GALNTL6: variants seen among roughly 807,000 people sequenced by gnomAD.
The protein encoded by GALNTL6 is polypeptide N-acetylgalactosaminyltransferase like 6, also known as polypeptide N-acetylgalactosaminyltransferase-like 6.
GALNTL6 carries 46 observed loss-of-function variants against 73.7 expected under a neutral mutation model. The observed-to-expected ratio is 0.62, with a 90% confidence interval of 0.49 to 0.80. The LOEUF (loss-of-function observed/expected upper bound fraction) is 0.80, where lower values mean the gene tolerates loss of function less well. GALNTL6 is among the 30% of genes least tolerant of loss of function. The pLI is 0.00. For missense variants in GALNTL6, 604 were observed against 755.0 expected (o/e 0.80, Z 2.34); for synonymous variants, 259 against 263.7 (o/e 0.98, Z 0.17).
At chr4:172,059,846 C>T (rs1359735303) in intron 2 of GALNTL6, among the ~76,000 whole-genome samples, 1 of 152,044 alleles carries the variant, frequency 6.6e-6, no homozygotes. Context: ...ATTTTCTTCT[C>T]AATTATATTA....
intron 5 of GALNTL6, among the ~76,000 whole-genome samples, chr4:172,687,576 C>T (rs970882576): frequency 2.1e-5 from 3 of 146,280 alleles, no homozygotes; most frequent in Admixed American, 7.1e-5. Flanking sequence ...TGCAGTGAGC[C>T]AAGATCGCGC....
At chr4:172,013,630 G>A (rs1429258215) in intron 2 of GALNTL6, among the ~76,000 whole-genome samples, 1 of 151,924 alleles carries the variant, frequency 6.6e-6, no homozygotes, top group Non-Finnish European at 1.5e-5. Context: ...TTTGACACAG[G>A]CCTGTAATGT....
intron 2 of GALNTL6, among the ~76,000 whole-genome samples, chr4:172,099,318 C>T (rs1017607957): frequency 8.6e-5 from 13 of 152,028 alleles, no homozygotes; most frequent in African/African-American, 2.7e-4. Context: ...ACAAGGTTTA[C>T]AGAAAAATGG....
intron 5 of GALNTL6, among the ~76,000 whole-genome samples, chr4:172,701,890 G>A (rs1051030227): frequency 2.0e-5 from 3 of 151,906 alleles, no homozygotes; most frequent in Non-Finnish European, 1.5e-5. Flanking sequence ...TGAAAACAGT[G>A]TTTTAAGAAT....
intron 5 of GALNTL6, among the ~76,000 whole-genome samples, chr4:172,722,038 A>G (rs1735510172): frequency 6.6e-6 from 1 of 151,078 alleles, no homozygotes; most frequent in Non-Finnish European, 1.5e-5. Context: ...TCAGTCCTGC[A>G]CGAACAGAGT....
At chr4:172,160,538 A>G (rs972194335) in intron 2 of GALNTL6, among the ~76,000 whole-genome samples, 13 of 152,096 alleles carry the variant, frequency 8.5e-5, no homozygotes, top group Non-Finnish European at 1.9e-4. Flanking sequence ...CTAAGAGCAC[A>G]TGTTAACTGG....
chr4:173,026,317 A>G (rs894821756), intron 12 of GALNTL6, among the ~76,000 whole-genome samples: 1 of 152,222 alleles, frequency 6.6e-6, no homozygotes, highest in Non-Finnish European at 1.5e-5. Flanking sequence ...GAAATGGTAT[A>G]TAGAACACAC....
chr4:172,804,529 A>T (rs1238223724), intron 5 of GALNTL6, among the ~76,000 whole-genome samples: 1 of 152,160 alleles, frequency 6.6e-6, no homozygotes, highest in East Asian at 1.9e-4. Context: ...TTCAAATGAA[A>T]CAGAAAGAAC....
chr4:171,900,138 G>C (rs1737037540), intron 2 of GALNTL6, among the ~76,000 whole-genome samples: 1 of 152,042 alleles, frequency 6.6e-6, no homozygotes, highest in African/African-American at 2.4e-5. Context: ...TTTATATCAT[G>C]TCATATTTAC....
chr4:172,561,016 G>A (rs1001962684), intron 5 of GALNTL6, among the ~76,000 whole-genome samples: 4 of 152,026 alleles, frequency 2.6e-5, no homozygotes, highest in South Asian at 2.1e-4. Context: ...CACTTTGGGA[G>A]GCCAAGGCGG....
chr4:172,037,205 A>G (rs552825238), intron 2 of GALNTL6, among the ~76,000 whole-genome samples: 1 of 152,306 alleles, frequency 6.6e-6, no homozygotes, highest in South Asian at 2.1e-4. Context: ...ACGTGTATCA[A>G]TACAATAGTT....
chr4:172,823,735 G>C (rs979007405), intron 7 of GALNTL6, among the ~76,000 whole-genome samples: 3 of 152,138 alleles, frequency 2.0e-5, no homozygotes, highest in Non-Finnish European at 2.9e-5. Context: ...CCAGTATGTA[G>C]AAAGAACAAA....
chr4:173,005,517 T>C (rs945251793), intron 10 of GALNTL6, among the ~76,000 whole-genome samples: 2 of 53,058 alleles, frequency 3.8e-5, no homozygotes, highest in African/African-American at 1.2e-4. Flanking sequence ...TAAGTGTTCT[T>C]GTCTACATTT....
At chr4:171,836,384 G>C (rs1289513770) in intron 2 of GALNTL6, among the ~76,000 whole-genome samples, 1 of 151,968 alleles carries the variant, frequency 6.6e-6, no homozygotes, top group Non-Finnish European at 1.5e-5. Flanking sequence ...TCAAGGCCAA[G>C]TCAGTATATT....
intron 2 of GALNTL6, among the ~76,000 whole-genome samples, chr4:172,209,208 A>G (rs1736243493): frequency 6.6e-6 from 1 of 152,108 alleles, no homozygotes; most frequent in Non-Finnish European, 1.5e-5. Flanking sequence ...AATTATATGG[A>G]AAACTTCTGA....
At chr4:172,564,167 A>G (rs552425753) in intron 5 of GALNTL6, among the ~76,000 whole-genome samples, 2 of 152,344 alleles carry the variant, frequency 1.3e-5, no homozygotes, top group South Asian at 2.1e-4. Flanking sequence ...CTCTATTTCA[A>G]TTATGTTGCA....
intron 11 of GALNTL6, among the ~76,000 whole-genome samples, chr4:173,012,756 CCT>C (rs1274651660): frequency 6.6e-6 from 1 of 152,198 alleles, no homozygotes; most frequent in African/African-American, 2.4e-5. Context: ...AAATTAGAAA[CCT>C]CTCTCAGGTC....
intron 3 of GALNTL6, among the ~76,000 whole-genome samples, chr4:172,276,095 G>T (rs1308096497): frequency 6.6e-6 from 1 of 152,160 alleles, no homozygotes; most frequent in Non-Finnish European, 1.5e-5. Context: ...AAAAAAGTAA[G>T]ACAATAATTT....
chr4:172,619,833 CT>C (rs1485170090), intron 5 of GALNTL6, among the ~76,000 whole-genome samples: 4 of 152,100 alleles, frequency 2.6e-5, no homozygotes, highest in Non-Finnish European at 5.9e-5. Flanking sequence ...TTTCACCTTT[CT>C]TTTTATTCGT....
Sources: allele counts gnomAD v4.1 joint callset (sites outside exome capture counted in the v4.1 genomes callset), GRCh38; gene constraint gnomAD v4.1.1; transcripts MANE v1.5; gene names NCBI Gene and HGNC (gene_info 2026-07-23, HGNC 2026-07-21).